The following ZNF106 variants were observed in gnomAD, a reference collection of about 807,000 sequenced individuals.
ZNF106 encodes SH3-domain binding protein 3.
A neutral mutation model predicts 195.1 loss-of-function variants in ZNF106; 67 were observed. The observed-to-expected ratio is 0.34, with a 90% CI of 0.28 to 0.42. The LOEUF (loss-of-function observed/expected upper bound fraction) is 0.42, where lower values mean the gene tolerates loss of function less well. ZNF106 is among the 10% of genes least tolerant of loss of function. The pLI is 1.00. For synonymous variants in ZNF106, 784 were observed against 818.6 expected, an observed-to-expected ratio of 0.96 and a Z score of 0.72; for missense variants, 2,118 against 2,304.5, an observed-to-expected ratio of 0.92 and a Z score of 1.66.
chr15:42,457,342 G>A (rs1458152231), intron 3 of ZNF106, 184 bp from the exon 4 acceptor site: 21 of 1,442,912 alleles, frequency 1.5e-5, no homozygotes, highest in Non-Finnish European at 1.8e-5. Context: ...CTTTTGAAAT[G>A]ATTTTAAGAT....
At chr15:42,482,743 C>T (rs2056931372) in intron 1 of ZNF106, among the ~76,000 whole-genome samples, 2 of 152,006 alleles carry the variant, frequency 1.3e-5, no homozygotes, top group Admixed American at 6.6e-5. Flanking sequence ...ATTGGCCAGG[C>T]TGGTCCTGAA....
intron 1 of ZNF106, among the ~76,000 whole-genome samples, chr15:42,485,714 AAG>A (rs767542569): frequency 6.6e-6 from 1 of 152,216 alleles, no homozygotes; most frequent in Non-Finnish European, 1.5e-5. Context: ...TGGAAAATAA[AAG>A]AGTGGATAAA....
At chr15:42,458,754 T>C (rs1356896870) in intron 3 of ZNF106, among the ~76,000 whole-genome samples, 1 of 150,868 alleles carries the variant, frequency 6.6e-6, no homozygotes, top group African/African-American at 2.4e-5. Flanking sequence ...AAAAAACAGC[T>C]AAATTCTAGG....
At chr15:42,482,740 A>T (rs578251372) in intron 1 of ZNF106, among the ~76,000 whole-genome samples, 3 of 152,142 alleles carry the variant, frequency 2.0e-5, no homozygotes. Flanking sequence ...CATATTGGCC[A>T]GGCTGGTCCT....
rs953551349 is a variant in ZNF106, at chr15:42,451,322, T to C, written c.950A>G (p.Tyr317Cys). 7 of 1,613,976 alleles carry C rather than the reference T, an allele frequency of 4.3e-6. No individual in the cohort carries two copies. Among genetic ancestry groups the C allele is most frequent in the Non-Finnish European group, 5.9e-6 (7 of 1,179,956 alleles). ...TGTAAATCCTTCAGAAGGACCTCTA[T>C]ATGTGGCAACTGTACCAAGTTTGTC... ...ENDKLGTVAT[Y>C]RGPSEGFTSD... The change falls in exon 5 of 22, where the codon TAT becomes TGT. Residue 317 changes from tyrosine (Y) to cysteine (C), a missense_variant. Transcript: ENST00000564754.
In ZNF106 at chr15:42,450,415, G is replaced by A; in HGVS notation, c.1857C>T (p.Asp619=). Residue 619 remains aspartate, a synonymous_variant, in exon 5 of 22, where the codon GAC becomes GAT. Transcript: ENST00000564754. ...CAATTTTTGTTCCATGCTTTTCCGT[G>A]TCAGATGTCTCTCCATCACTTTCAT... ...LEDESDGETS[D]TEKHGTKIGT... 1 of 1,614,120 alleles carries A rather than the reference G, an allele frequency of 6.2e-7. No individual in the cohort carries two copies.
Position 42,448,441 on chromosome 15 carries a change from C to T in ZNF106, c.2766G>A (p.Arg922=). 1 of 1,614,094 alleles carries T rather than the reference C, an allele frequency of 6.2e-7. No individual in the cohort carries two copies. The highest frequency in any genetic ancestry group is 8.5e-7 in the Non-Finnish European group (1 of 1,180,030). ...TGGTTGCTTTCTGGCTCTGTCCAGCCCTCAATGAGTTACTAGGTGAAACCA... is the reference window on the plus strand; with the variant it reads ...TGGTTGCTTTCTGGCTCTGTCCAGCTCTCAATGAGTTACTAGGTGAAACCA... The part of the protein sequence containing the change: ...QQMVSPSNSL[R]AGQSQKATMH... The change falls in exon 6 of 22, where the codon AGG becomes AGA. Residue 922 remains arginine (R), a synonymous_variant. Transcript: ENST00000564754.
rs1024670362 is a variant in ZNF106 at position 42,424,399 on chromosome 15, G to T, written c.5191-339C>A. 2.0e-5 allele frequency: 6 copies of T among 299,036 alleles called. No individual in the cohort carries two copies. In the Admixed American group the frequency reaches 2.3e-4, roughly 12 times the overall value. The allele number at this position is 299,036 out of a possible 1,614,324, so 18.5% of individuals were successfully genotyped here. On this transcript the variant is annotated intron_variant, in intron 16 of 21. Transcript: ENST00000564754. ...TTGGTGATGTTGGTGTAAAGAAAAGGTTTGCAATCTCCTTGCTCTTTCCAA... is the reference window on the plus strand; with the variant it reads ...TTGGTGATGTTGGTGTAAAGAAAAGTTTTGCAATCTCCTTGCTCTTTCCAA...
intron 1 of ZNF106, among the ~76,000 whole-genome samples, chr15:42,483,409 G>A (rs1474502392): frequency 6.6e-6 from 1 of 152,142 alleles, no homozygotes. Flanking sequence ...GGAGTAGGAG[G>A]CCCTAGGTTT....
chr15:42,447,545 ACT>A (rs2055818710), intron 6 of ZNF106, among the ~76,000 whole-genome samples: 1 of 152,160 alleles, frequency 6.6e-6, no homozygotes, highest in African/African-American at 2.4e-5. Flanking sequence ...GAAATAAAAG[ACT>A]CTTAAAGGCC....
At position 42,413,189 on chromosome 15, in the gene ZNF106, T is replaced by G. The variant is rs1191287457; in HGVS notation, c.*4115A>C. The G allele has an allele frequency of 6.6e-6, 1 of 152,052 alleles. No individual in the cohort carries two copies. Among genetic ancestry groups the G allele is most frequent in the Non-Finnish European group, 1.5e-5 (1 of 68,010 alleles). 9.4% of individuals were successfully genotyped at this position (152,052 alleles called of 1,614,324 possible). A position where few individuals can be genotyped will look rare whatever the true frequency, so the allele number is the denominator to read the frequency against. On this transcript the variant is annotated 3_prime_UTR_variant, in exon 22 of 22. Coordinates refer to ENST00000564754, the MANE Select transcript of ZNF106 (RefSeq NM_001366845.3). ...AGGGCCATATACTTGGGCTTGGAGG[T>G]GAGGTTAGAGGTTACTGTCTAATAC...
intron 1 of ZNF106, among the ~76,000 whole-genome samples, chr15:42,488,209 T>C (rs111657778): frequency 5.3e-5 from 8 of 152,262 alleles, no homozygotes; most frequent in African/African-American, 1.4e-4. Flanking sequence ...TGGACGGATA[T>C]GGAGGAACAA....
At chr15:42,484,609 G>A (rs971263942) in intron 1 of ZNF106, among the ~76,000 whole-genome samples, 5 of 152,112 alleles carry the variant, frequency 3.3e-5, no homozygotes, top group South Asian at 2.1e-4. Context: ...GTGGTGATGC[G>A]TGCCCGTAGT....
chr15:42,423,368 C>T (rs1442230658), intron 17 of ZNF106, among the ~76,000 whole-genome samples: 2 of 149,132 alleles, frequency 1.3e-5, no homozygotes, highest in Admixed American at 1.3e-4. Context: ...AGACCCCTAT[C>T]TCAAAAAAAA....
At chr15:42,457,899 CT>C (rs746862324) in intron 3 of ZNF106, among the ~76,000 whole-genome samples, 2 of 152,162 alleles carry the variant, frequency 1.3e-5, no homozygotes, top group African/African-American at 4.8e-5. Context: ...ACTAGGCAGA[CT>C]TTTTTGCTTT....
rs1408504527 is a variant in ZNF106, at chr15:42,422,584, G to C, written c.5290C>G (p.His1764Asp). Residue 1764 changes from histidine (H) to aspartate (D), a missense_variant, in exon 18 of 22, where the codon CAT becomes GAT. Transcript: ENST00000564754. ...ELVRIYKGHN[H>D]AVTVVNILGK... ...AGGATATTCACCACAGTCACTGCATGATTGTGACCTTTATAGATCCGCACG... is the reference window on the plus strand; with the variant it reads ...AGGATATTCACCACAGTCACTGCATCATTGTGACCTTTATAGATCCGCACG... 6.2e-7 allele frequency: 1 copy of C among 1,613,446 alleles called. No individual in the cohort carries two copies. The highest frequency in any genetic ancestry group is 8.5e-7 in the Non-Finnish European group (1 of 1,179,954).
rs371471415 is a variant in ZNF106, at chr15:42,479,227, A to G, written c.-32-6906T>C. ...CGTCTCTACTAAAAACACAAAAATT[A>G]GCTGGGCATGGTGGTGGGCACCTGT... On this transcript the variant is annotated intron_variant, in intron 1 of 21. Coordinates refer to ENST00000564754, the MANE Select transcript of ZNF106 (RefSeq NM_001366845.3). Among the ~76,000 whole-genome samples the G allele has an allele frequency of 2.2e-4, 34 of 152,084 alleles. No individual in the cohort carries two copies. In the East Asian group the frequency reaches 2.5e-3, roughly 11 times the overall value.
At chr15:42,457,251 A>C (rs746998213) in intron 3 of ZNF106, 93 bp from the exon 4 acceptor site, 1 of 1,564,166 alleles carries the variant, frequency 6.4e-7, no homozygotes, top group Admixed American at 2.0e-5. Flanking sequence ...AGGACACTGC[A>C]CACTTTGGCA....
intron 1 of ZNF106, among the ~76,000 whole-genome samples, chr15:42,482,853 G>T (rs1314732391): frequency 3.3e-5 from 5 of 152,042 alleles, no homozygotes; most frequent in Non-Finnish European, 7.4e-5. Flanking sequence ...TTCATCCTCA[G>T]CTGGGCTTCT....
Sources: allele counts gnomAD v4.1 joint callset (sites outside exome capture counted in the v4.1 genomes callset), GRCh38; gene constraint gnomAD v4.1.1; transcripts MANE v1.5; gene names NCBI Gene and HGNC (gene_info 2026-07-23, HGNC 2026-07-21).